Variants in SAXO4 observed in about 807,000 individuals in gnomAD.
SAXO4 encodes the protein protein phosphatase 1 regulatory subunit 32.
At chr11:61,482,595 A>G in the SAXO4 span, 6 of 1,610,700 alleles carry the variant, frequency 3.7e-6, no homozygotes, top group East Asian at 1.3e-4. Flanking sequence ...GGAGGAGGGA[A>G]GCTCCTTAGC....
the SAXO4 span, chr11:61,484,856 A>G: frequency 2.6e-6 from 4 of 1,526,254 alleles, no homozygotes; most frequent in African/African-American, 1.4e-5. Context: ...GGTGGGGCAG[A>G]GGGGCCACAC....
the SAXO4 span, chr11:61,487,319 C>A: frequency 1.6e-6 from 2 of 1,231,618 alleles, no homozygotes; most frequent in Non-Finnish European, 2.4e-6. Context: ...GAGCTCACAG[C>A]CTCGTGGAGA....
At chr11:61,486,652 G>A in the SAXO4 span, 10 of 1,579,780 alleles carry the variant, frequency 6.3e-6, no homozygotes, top group Non-Finnish European at 7.8e-6. Context: ...GGAGAAGACA[G>A]GGAGGTTTCT....
chr11:61,486,563 C>T, the SAXO4 span: 22 of 1,614,032 alleles, frequency 1.4e-5, no homozygotes, highest in South Asian at 4.4e-5. Flanking sequence ...AGGCTCCAAG[C>T]GGGAAACAGC....
the SAXO4 span, chr11:61,482,944 T>G: frequency 5.5e-6 from 5 of 915,070 alleles, 1 homozygote; most frequent in South Asian, 9.1e-5. Context: ...CCACTCATCT[T>G]TCTCCCCTTT....
the SAXO4 span, among the ~76,000 whole-genome samples, chr11:61,488,591 G>A: frequency 1.3e-5 from 2 of 152,180 alleles, no homozygotes; most frequent in African/African-American, 4.8e-5. Flanking sequence ...CTCCGAGCCA[G>A]GAAGCGCAAG....
chr11:61,490,016 C>T, the SAXO4 span: 1 of 1,442,648 alleles, frequency 6.9e-7, no homozygotes, highest in East Asian at 2.3e-5. Context: ...CCTTTCCCTT[C>T]CTCTCCTCTC....
the SAXO4 span, chr11:61,484,797 A>G: frequency 1.2e-6 from 2 of 1,601,906 alleles, no homozygotes; most frequent in Non-Finnish European, 1.7e-6. Context: ...GACCCGCTGG[A>G]GCGGGAGAAC....
the SAXO4 span, chr11:61,486,418 G>A: frequency 6.2e-7 from 1 of 1,614,072 alleles, no homozygotes; most frequent in Non-Finnish European, 8.5e-7. Flanking sequence ...GCTGAGCTAG[G>A]GGGAGGCTGG....
the SAXO4 span, chr11:61,482,749 C>A: frequency 5.0e-6 from 8 of 1,613,824 alleles, no homozygotes; most frequent in Non-Finnish European, 6.8e-6. Context: ...CTGGAGCATG[C>A]GCCAGACCAG....
At chr11:61,483,235 C>T in the SAXO4 span, among the ~76,000 whole-genome samples, 1 of 145,584 alleles carries the variant, frequency 6.9e-6, no homozygotes, top group Non-Finnish European at 1.5e-5. Flanking sequence ...GGCACGATCT[C>T]GGCTCACTGC....
At chr11:61,486,071 T>G in the SAXO4 span, among the ~76,000 whole-genome samples, 1 of 152,152 alleles carries the variant, frequency 6.6e-6, no homozygotes, top group African/African-American at 2.4e-5. Context: ...AGTCCCCCAT[T>G]TATAGATGAG....
At chr11:61,488,511 A>G in the SAXO4 span, among the ~76,000 whole-genome samples, 2 of 151,898 alleles carry the variant, frequency 1.3e-5, no homozygotes, top group Non-Finnish European at 2.9e-5. Context: ...TCACTGTGTT[A>G]GCCAGGATGG....
the SAXO4 span, chr11:61,482,025 G>T: frequency 2.5e-6 from 2 of 809,794 alleles, no homozygotes; most frequent in Middle Eastern, 4.6e-4. Context: ...CAGAGCAACT[G>T]CTGAATCCGT....
the SAXO4 span, chr11:61,486,273 G>C: frequency 6.5e-7 from 1 of 1,528,666 alleles, no homozygotes; most frequent in Non-Finnish European, 9.0e-7. Flanking sequence ...CCTGGAGGCA[G>C]AGTGGGTGGG....
chr11:61,486,340 C>T, the SAXO4 span: 1 of 1,613,468 alleles, frequency 6.2e-7, no homozygotes, highest in South Asian at 1.1e-5. Context: ...GGGCCTATTT[C>T]CAGGCCCTCC....
the SAXO4 span, chr11:61,484,651 C>A: frequency 2.5e-6 from 4 of 1,609,348 alleles, no homozygotes; most frequent in African/African-American, 1.3e-5. Context: ...GAGTGACTGC[C>A]GCCCCCTCAC....
At chr11:61,489,713 G>C in the SAXO4 span, 2 of 1,538,682 alleles carry the variant, frequency 1.3e-6, no homozygotes, top group Non-Finnish European at 1.8e-6. Flanking sequence ...GGTCGATGGA[G>C]AAGGGCAGCA....
the SAXO4 span, chr11:61,482,529 G>T: frequency 6.4e-7 from 1 of 1,559,340 alleles, no homozygotes; most frequent in Non-Finnish European, 8.8e-7. Context: ...CTAGGCTGGG[G>T]GTCCTGGGTG....
Sources: gnomAD v4.1 joint callset for allele counts (sites outside exome capture counted in the v4.1 genomes callset) on GRCh38, gnomAD v4.1.1 for gene constraint, MANE v1.5 for transcripts, NCBI Gene and HGNC (gene_info 2026-07-23, HGNC 2026-07-21) for gene names.